The following SEMA5B variants were observed in gnomAD, a reference collection of about 807,000 sequenced individuals.
The protein encoded by SEMA5B is semaphorin-5B.
A neutral mutation model predicts 135.0 loss-of-function variants in SEMA5B; 66 were observed. The ratio of observed to expected loss-of-function variants is 0.49; its 90% CI spans 0.40 to 0.60. SEMA5B has a LOEUF of 0.60. Among genes scored for constraint, SEMA5B ranks in the 20% least tolerant of loss-of-function variants. SEMA5B has a pLI of 0.00. For missense variants in SEMA5B, 1,501 were observed against 1,566.3 expected (o/e 0.96, Z 0.70); for synonymous variants, 690 against 639.5 (o/e 1.08, Z -1.19).
chr3:122,937,501 T>C (rs1939350390), intron 5 of SEMA5B, among the ~76,000 whole-genome samples: 2 of 152,212 alleles, frequency 1.3e-5, no homozygotes, highest in Admixed American at 1.3e-4. Flanking sequence ...ATTTATTCCC[T>C]TAGTTCTGTC....
rs1446838325 is a variant in SEMA5B at position 122,915,813 on chromosome 3, G to C, written c.1766C>G (p.Ser589Cys). ...QQRCSTLEDS[S>C]NMSLWTQNIT... ...GTTCTGGGTCCAGAGGCTCATGTTG[G>C]AGCTGTCCTCGAGTGTGCTGCAACG... The change falls in exon 13 of 23, where the codon TCC (serine) becomes TGC (cysteine). Residue 589 changes from serine to cysteine, a missense_variant. This residue lies in a region of SEMA5B where 927 missense variants were observed against 881.6 expected (regional missense o/e 1.05). Transcript: ENST00000357599. 6.2e-7 allele frequency: 1 copy of C among 1,613,972 alleles called. No individual in the cohort carries two copies. The highest frequency in any genetic ancestry group is 1.3e-5 in the African/African-American group (1 of 74,886).
At chr3:122,918,631 C>T (rs1185442949) in intron 12 of SEMA5B, among the ~76,000 whole-genome samples, 1 of 152,238 alleles carries the variant, frequency 6.6e-6, no homozygotes, top group Non-Finnish European at 1.5e-5. Flanking sequence ...CCTCTCACCC[C>T]TTCAGCTTCC....
In SEMA5B at chr3:122,913,987, G is replaced by A. The variant is rs770737370; in HGVS notation, c.2003C>T (p.Thr668Ile). 6.3e-7 allele frequency: 1 copy of A among 1,597,402 alleles called. No individual in the cohort carries two copies. Residue 668 changes from threonine (T) to isoleucine (I), a missense_variant, in exon 15 of 23, where the codon ACC (threonine) becomes ATC (isoleucine). Physicochemically the swap from Thr to Ile is moderately conservative, Grantham distance 89 (BLOSUM62 -1). Transcript: ENST00000357599. ...GCACAGCGCCCACGATGACCACGGG[G>A]TCCACGCCCCATTCCTGGCGGGGTG... ...IANCSRNGAWTPWSSWALCST... is the reference protein window; with the variant it reads ...IANCSRNGAWIPWSSWALCST...
chr3:122,964,307 T>C (rs767507131), intron 1 of SEMA5B, among the ~76,000 whole-genome samples: 3 of 152,116 alleles, frequency 2.0e-5, no homozygotes, highest in Admixed American at 6.5e-5. Flanking sequence ...AGGTGACATG[T>C]GACATATGAG....
intron 1 of SEMA5B, among the ~76,000 whole-genome samples, chr3:122,986,365 C>T (rs775467859): frequency 2.6e-5 from 4 of 152,182 alleles, no homozygotes; most frequent in Non-Finnish European, 4.4e-5. Flanking sequence ...TTATATACAA[C>T]CATTTTTGAC....
At chr3:122,987,157 G>A (rs978284416) in intron 1 of SEMA5B, among the ~76,000 whole-genome samples, 8 of 152,154 alleles carry the variant, frequency 5.3e-5, no homozygotes, top group South Asian at 2.1e-4. Context: ...CCAGTAAAGT[G>A]ATGCCGGGAA....
chr3:122,988,700 C>A (rs1245462518), intron 1 of SEMA5B, among the ~76,000 whole-genome samples: 1 of 152,232 alleles, frequency 6.6e-6, no homozygotes, highest in Non-Finnish European at 1.5e-5. Context: ...TCTCCTAAGG[C>A]CTTGGGGTGG....
At chr3:122,941,860 T>G (rs1312196831) in intron 4 of SEMA5B, among the ~76,000 whole-genome samples, 1 of 152,246 alleles carries the variant, frequency 6.6e-6, no homozygotes, top group Non-Finnish European at 1.5e-5. Context: ...GAAGGGTATA[T>G]GGGATCTCTA....
chr3:123,003,162 G>A (rs1225556125), intron 1 of SEMA5B, among the ~76,000 whole-genome samples: 2 of 152,124 alleles, frequency 1.3e-5, no homozygotes, highest in Non-Finnish European at 2.9e-5. Flanking sequence ...ACACAAAAGT[G>A]AATGAGAAGC....
rs748131717 is a variant in SEMA5B, at chr3:122,929,080, A to C, written c.475-22T>G. 3.1e-6 allele frequency: 5 copies of C among 1,608,374 alleles called. No homozygotes were observed. The South Asian group carries it at 5.5e-5, about 18-fold the overall frequency. On this transcript the variant is annotated intron_variant, in intron 5 of 22. Coordinates refer to ENST00000357599, the MANE Select transcript of SEMA5B (RefSeq NM_001031702.4). The stretch of plus-strand genomic sequence containing the variant: ...TGGCCTGGGGGAGGAACATAGGAGC[A>C]CACAGACATCACATGGCTGTGTCAT...
intron 1 of SEMA5B, among the ~76,000 whole-genome samples, chr3:122,977,058 A>G (rs1941351482): frequency 6.6e-6 from 1 of 152,168 alleles, no homozygotes; most frequent in Admixed American, 6.5e-5. Flanking sequence ...TTGAAAAAGA[A>G]AAAAAGCCCT....
In SEMA5B at chr3:122,909,968, C is replaced by T; in HGVS notation, c.*175G>A. ...TATGTCAGCCTGAAACCAGCCCTTT[C>T]CCCCATGGTCAATGCCAGCCAGAGC... On this transcript the variant is annotated 3_prime_UTR_variant, in exon 23 of 23. Transcript: ENST00000357599. The T allele has an allele frequency of 1.5e-6, 1 of 650,696 alleles. No homozygotes were observed. Among genetic ancestry groups the T allele is most frequent in the Non-Finnish European group, 2.6e-6 (1 of 379,756 alleles). 40.3% of individuals were successfully genotyped at this position (650,696 alleles called of 1,614,324 possible).
chr3:122,913,519 G>A lies in SEMA5B; in HGVS notation c.2280+15C>T, dbSNP rs779099734. The A allele has an allele frequency of 5.0e-6, 8 of 1,606,036 alleles. No individual in the cohort carries two copies. Among genetic ancestry groups the A allele is most frequent in the Admixed American group, 1.7e-5 (1 of 59,602 alleles). On this transcript the variant is annotated intron_variant, in intron 16 of 22. Coordinates refer to ENST00000357599, the MANE Select transcript of SEMA5B (RefSeq NM_001031702.4). ...ACCCTACACCGCGCCCCTGGCCCAC[G>A]GCCCCAACCCTCACCACGCCGCAGC...
chr3:122,998,577 T>C (rs1021889323), intron 1 of SEMA5B, among the ~76,000 whole-genome samples: 2 of 152,142 alleles, frequency 1.3e-5, no homozygotes, highest in Non-Finnish European at 2.9e-5. Context: ...GCTGCCAGAA[T>C]TCCACTCCAC....
At chr3:122,938,858 C>T (rs1305497544) in intron 5 of SEMA5B, among the ~76,000 whole-genome samples, 1 of 152,216 alleles carries the variant, frequency 6.6e-6, no homozygotes, top group African/African-American at 2.4e-5. Flanking sequence ...CATTAAAACG[C>T]CTCTCAGAGC....
rs115027372 is a variant in SEMA5B at position 122,977,629 on chromosome 3, C to A, written c.-38-16328G>T. Among the ~76,000 whole-genome samples the A allele has an allele frequency of 3.6e-3, 548 of 152,284 alleles. 6 individuals are homozygous for A. The highest frequency in any genetic ancestry group is 0.012 in the African/African-American group (517 of 41,552). On this transcript the variant is annotated intron_variant, in intron 1 of 22. Transcript: ENST00000357599. Reference sequence around the variant, plus strand: ...AAATGTTAATGTCATCCAAAAACACCCTCACAAAAACATCCAGAATAATGT... The same window carrying A: ...AAATGTTAATGTCATCCAAAAACACACTCACAAAAACATCCAGAATAATGT...
chr3:123,015,597 A>T (rs1209075235), intron 1 of SEMA5B, among the ~76,000 whole-genome samples: 1 of 152,252 alleles, frequency 6.6e-6, no homozygotes, highest in African/African-American at 2.4e-5. Flanking sequence ...CAATGTTTGA[A>T]GAACTGTGGC....
At chr3:122,921,872 C>T (rs1576335487) in intron 12 of SEMA5B, 43 bp downstream of exon 12, 1 of 1,489,944 alleles carries the variant, frequency 6.7e-7, no homozygotes. Flanking sequence ...TTAAGCGCCT[C>T]CTCCGCAGTG....
intron 1 of SEMA5B, among the ~76,000 whole-genome samples, chr3:122,961,550 C>T (rs1212547968): frequency 6.6e-6 from 1 of 151,972 alleles, no homozygotes; most frequent in African/African-American, 2.4e-5. Context: ...GTCTTGACCT[C>T]CTAGGCTCAA....
Sources: allele counts gnomAD v4.1 joint callset (sites outside exome capture counted in the v4.1 genomes callset), GRCh38; gene constraint gnomAD v4.1.1; regional missense constraint gnomAD v4.1.1; transcripts MANE v1.5; gene names NCBI Gene and HGNC (gene_info 2026-07-23, HGNC 2026-07-21).